Variants in FTO observed in about 807,000 individuals in gnomAD.
FTO encodes FTO alpha-ketoglutarate dependent dioxygenase.
Under a neutral mutation model 63.9 loss-of-function variants are expected in FTO, and 47 were observed. That is an observed-to-expected ratio of 0.74 (90% CI 0.58 to 0.94). The LOEUF (loss-of-function observed/expected upper bound fraction) is 0.94, where lower values mean the gene tolerates loss of function less well. Among genes scored for constraint, FTO ranks in the 40% least tolerant of loss-of-function variants. The pLI, the probability that FTO is intolerant of heterozygous loss-of-function variation, is 0.00. For synonymous variants in FTO, 207 were observed against 224.4 expected, an observed-to-expected ratio of 0.92 and a Z score of 0.69; for missense variants, 562 against 618.1, an observed-to-expected ratio of 0.91 and a Z score of 0.96.
At chr16:53,895,091 C>T (rs1308379672) in intron 7 of FTO, among the ~76,000 whole-genome samples, 1 of 152,060 alleles carries the variant, frequency 6.6e-6, no homozygotes, top group Non-Finnish European at 1.5e-5. Context: ...TCCTTCCTAC[C>T]CACCCACTCT....
At chr16:53,923,602 C>T (rs1356397791) in intron 7 of FTO, among the ~76,000 whole-genome samples, 3 of 152,108 alleles carry the variant, frequency 2.0e-5, no homozygotes, top group African/African-American at 7.2e-5. Flanking sequence ...CTGCTGGCGC[C>T]AAGGCCCAAG....
intron 1 of FTO, among the ~76,000 whole-genome samples, chr16:53,767,917 C>T (rs1379889552): frequency 1.3e-5 from 2 of 152,144 alleles, no homozygotes; most frequent in Non-Finnish European, 2.9e-5. Context: ...ATGTCTAATT[C>T]TGGCTGGATT....
intron 8 of FTO, among the ~76,000 whole-genome samples, chr16:54,093,289 C>T (rs2086437362): frequency 1.3e-5 from 2 of 152,214 alleles, no homozygotes; most frequent in African/African-American, 2.4e-5. Context: ...CTCACAGTCT[C>T]GCCCGAGCTA....
intron 8 of FTO, chr16:53,991,514 C>A (rs1047735650): frequency 3.3e-5 from 5 of 152,168 alleles, no homozygotes; most frequent in Non-Finnish European, 5.9e-5. Context: ...GCACCCCGTG[C>A]TTTGATTCCC....
chr16:53,764,588 A>G (rs534513314), intron 1 of FTO, among the ~76,000 whole-genome samples: 3 of 152,316 alleles, frequency 2.0e-5, no homozygotes, highest in Non-Finnish European at 2.9e-5. Context: ...CTGCTTCTCA[A>G]AATTGGAGTT....
intron 8 of FTO, among the ~76,000 whole-genome samples, chr16:54,065,460 G>A (rs756100106): frequency 5.3e-5 from 8 of 152,028 alleles, no homozygotes; most frequent in Admixed American, 2.0e-4. Flanking sequence ...CACCGCATCC[G>A]GCCCACAGTT....
chr16:53,882,349 G>A (rs1471309825), intron 6 of FTO, among the ~76,000 whole-genome samples: 1 of 147,634 alleles, frequency 6.8e-6, no homozygotes, highest in Non-Finnish European at 1.5e-5. Context: ...TATACAGTAT[G>A]TTAGAAGTTG....
rs538818732 is a variant in FTO, at chr16:54,103,188, G to A, written c.1365-8574G>A. Among the ~76,000 whole-genome samples, 45 of 152,186 alleles carry A rather than the reference G, an allele frequency of 3.0e-4. No homozygotes were observed. In the South Asian group the frequency reaches 9.1e-3, roughly 31 times the overall value. On this transcript the variant is annotated intron_variant, in intron 8 of 8. Transcript: ENST00000471389. Reference sequence around the variant, plus strand: ...AGAAAGAGTTCTTGAAAAATGGATGGTATTTATGTGGCTGAATGGCGTTAT... The same window carrying A: ...AGAAAGAGTTCTTGAAAAATGGATGATATTTATGTGGCTGAATGGCGTTAT...
chr16:54,034,615 A>G (rs2084904397), intron 8 of FTO, among the ~76,000 whole-genome samples: 1 of 152,200 alleles, frequency 6.6e-6, no homozygotes, highest in South Asian at 2.1e-4. Flanking sequence ...TGGTGTGAAC[A>G]TAAGACCAGG....
chr16:54,090,403 A>G (rs1275730620), intron 8 of FTO, among the ~76,000 whole-genome samples: 10 of 152,206 alleles, frequency 6.6e-5, no homozygotes, highest in African/African-American at 1.7e-4. Context: ...TTTGTTGCCT[A>G]ACACGTACAG....
intron 1 of FTO, among the ~76,000 whole-genome samples, chr16:53,756,939 AG>A (rs1409583611): frequency 6.6e-6 from 1 of 152,188 alleles, no homozygotes; most frequent in Non-Finnish European, 1.5e-5. Flanking sequence ...GATAAATGAC[AG>A]GCCTGTTAAT....
chr16:54,041,792 G>A (rs555922946), intron 8 of FTO, among the ~76,000 whole-genome samples: 3 of 152,222 alleles, frequency 2.0e-5, no homozygotes, highest in Non-Finnish European at 4.4e-5. Flanking sequence ...GTAAAGAATT[G>A]TTGTGCACGC....
intron 1 of FTO, among the ~76,000 whole-genome samples, chr16:53,747,322 G>A (rs1478982206): frequency 2.0e-5 from 3 of 152,250 alleles, no homozygotes; most frequent in African/African-American, 7.2e-5. Context: ...GATTGCAGGG[G>A]TTCCCTTTTC....
intron 8 of FTO, among the ~76,000 whole-genome samples, chr16:54,057,190 T>G (rs971121574): frequency 7.2e-5 from 11 of 152,178 alleles, no homozygotes; most frequent in African/African-American, 2.7e-4. Context: ...ATACAACACT[T>G]TCTTCCTAAC....
At chr16:54,050,102 G>A (rs1475059616) in intron 8 of FTO, among the ~76,000 whole-genome samples, 1 of 152,106 alleles carries the variant, frequency 6.6e-6, no homozygotes, top group Non-Finnish European at 1.5e-5. Flanking sequence ...TGGCTGCCTG[G>A]GGAACAGTTG....
chr16:53,889,847 TAAC>T (rs200941571), intron 7 of FTO, among the ~76,000 whole-genome samples: 1 of 150,590 alleles, frequency 6.6e-6, no homozygotes, highest in East Asian at 1.9e-4. Flanking sequence ...ATAATAATAA[TAAC>T]AAACACTTAC....
In FTO at chr16:53,879,691, TAA is replaced by T. The variant is rs34252518; in HGVS notation, c.976-132_976-131del. 4.1e-3 allele frequency among the ~76,000 whole-genome samples: 393 copies of T among 95,056 alleles called. 3 individuals carry two copies. The highest frequency in any genetic ancestry group is 0.01 in the African/African-American group (248 of 24,800). The allele number at this position is 95,056 out of a possible 152,430, so 62.4% of individuals were successfully genotyped here. A position where few individuals can be genotyped will look rare whatever the true frequency, so the allele number is the denominator to read the frequency against. On this transcript the variant is annotated intron_variant, in intron 5 of 8. Coordinates refer to ENST00000471389, the MANE Select transcript of FTO (RefSeq NM_001080432.3). ...ACACAGCAAGACCCTATCTCAAAAT[TAA>T]AAAAAAAAAAAAAAAAAAAAGGAGT...
intron 1 of FTO, among the ~76,000 whole-genome samples, chr16:53,757,844 C>T (rs1489925945): frequency 1.3e-5 from 2 of 152,132 alleles, no homozygotes; most frequent in Non-Finnish European, 2.9e-5. Context: ...GAGAAGAGCT[C>T]AAACAGTTGT....
intron 8 of FTO, among the ~76,000 whole-genome samples, chr16:54,034,689 C>T (rs954613205): frequency 1.8e-4 from 27 of 152,268 alleles, no homozygotes; most frequent in African/African-American, 6.5e-4. Context: ...TTTCAAGTCA[C>T]AAAACAATCT....
Sources: allele counts gnomAD v4.1 joint callset (sites outside exome capture counted in the v4.1 genomes callset), GRCh38; gene constraint gnomAD v4.1.1; transcripts MANE v1.5; gene names NCBI Gene and HGNC (gene_info 2026-07-23, HGNC 2026-07-21).